ANKFN1: variants seen among roughly 807,000 people sequenced by gnomAD.
ANKFN1 encodes ankyrin repeat and fibronectin type III domain containing 1.
A neutral mutation model predicts 108.7 loss-of-function variants in ANKFN1; 74 were observed. The observed-to-expected ratio is 0.68, with a 90% CI of 0.56 to 0.83. The LOEUF is 0.83. Among genes scored for constraint, ANKFN1 ranks in the 40% least tolerant of loss-of-function variants. The pLI, the probability that ANKFN1 is intolerant of heterozygous loss-of-function variation, is 0.00. For missense variants in ANKFN1, 1,505 were observed against 1,382.3 expected (o/e 1.09, Z -1.41); for synonymous variants, 547 against 516.2 (o/e 1.06, Z -0.81).
chr17:56,376,751 G>A (rs2046959143), intron 8 of ANKFN1, among the ~76,000 whole-genome samples: 1 of 152,158 alleles, frequency 6.6e-6, no homozygotes, highest in South Asian at 2.1e-4. Context: ...GGTCACAAGT[G>A]GGTTCTGTTA....
intron 8 of ANKFN1, among the ~76,000 whole-genome samples, chr17:56,379,530 C>T (rs193239849): frequency 4.5e-4 from 68 of 152,200 alleles, no homozygotes; most frequent in African/African-American, 1.6e-3. Flanking sequence ...TGGATATATA[C>T]AAAATTTTGT....
chr17:56,207,959 A>C (rs1914668687), intron 1 of ANKFN1, among the ~76,000 whole-genome samples: 1 of 152,096 alleles, frequency 6.6e-6, no homozygotes, highest in South Asian at 2.1e-4. Flanking sequence ...ATCTGACTCC[A>C]TCTGGACCCA....
At chr17:56,445,829 G>C (rs555725615) in intron 10 of ANKFN1, among the ~76,000 whole-genome samples, 1 of 152,246 alleles carries the variant, frequency 6.6e-6, no homozygotes, top group Non-Finnish European at 1.5e-5. Context: ...TCTGAGTTAC[G>C]ATCAGGAAAA....
At chr17:56,213,361 C>T (rs900984364) in intron 2 of ANKFN1, among the ~76,000 whole-genome samples, 3 of 152,116 alleles carry the variant, frequency 2.0e-5, no homozygotes, top group Admixed American at 2.0e-4. Context: ...ACAAGCCTAC[C>T]CCCTATAGAA....
At chr17:56,421,048 G>A (rs762890353) in intron 8 of ANKFN1, among the ~76,000 whole-genome samples, 1 of 152,126 alleles carries the variant, frequency 6.6e-6, no homozygotes, top group Non-Finnish European at 1.5e-5. Flanking sequence ...GTGCTGGGGG[G>A]CGGGAATAAA....
At chr17:56,475,449 C>T (rs775315338) in intron 15 of ANKFN1, among the ~76,000 whole-genome samples, 7 of 152,110 alleles carry the variant, frequency 4.6e-5, no homozygotes, top group Non-Finnish European at 8.8e-5. Context: ...GTTAATTCTA[C>T]AGAGGAAAGA....
intron 3 of ANKFN1, among the ~76,000 whole-genome samples, chr17:56,325,494 A>C (rs2045490915): frequency 6.6e-6 from 1 of 152,182 alleles, no homozygotes; most frequent in African/African-American, 2.4e-5. Flanking sequence ...GTATACCCAT[A>C]TGTGTCTGGC....
At chr17:56,248,819 A>G (rs1419789042) in intron 3 of ANKFN1, among the ~76,000 whole-genome samples, 1 of 152,214 alleles carries the variant, frequency 6.6e-6, no homozygotes, top group Non-Finnish European at 1.5e-5. Flanking sequence ...ATGAAAGTAC[A>G]TGTGGTTTAT....
intron 4 of ANKFN1, among the ~76,000 whole-genome samples, chr17:56,091,858 G>A (rs1905427130): frequency 1.3e-5 from 2 of 151,420 alleles, no homozygotes; most frequent in East Asian, 3.8e-4. Flanking sequence ...GTAATCCCCT[G>A]TAATGTATAT....
At chr17:56,172,235 T>TGAAAGAATGCATCCTTTG (rs1409964914) in intron 1 of ANKFN1, among the ~76,000 whole-genome samples, 2 of 152,158 alleles carry the variant, frequency 1.3e-5, no homozygotes, top group African/African-American at 4.8e-5. Context: ...CTGTCTAATT[T>TGAAAGAATGCATCCTTTG]GAAAGAATGC....
At chr17:56,123,399 G>A (rs9906554) in intron 4 of ANKFN1, among the ~76,000 whole-genome samples, 3,571 of 152,222 alleles carry the variant, frequency 0.023, 124 homozygotes, top group African/African-American at 0.081. Context: ...GGAGGGCAGC[G>A]GTAGGAATAT....
At chr17:56,467,776 AAAGAAAGAAAGAAAG>A (rs1339111767) in intron 15 of ANKFN1, among the ~76,000 whole-genome samples, 1 of 18,188 alleles carries the variant, frequency 5.5e-5, no homozygotes, top group Non-Finnish European at 1.3e-4. Flanking sequence ...AGAAAGAAAG[AAAGAAAGAAAGAAAG>A]AAGAAAGAAA....
chr17:56,264,204 C>G (rs1204301753), intron 3 of ANKFN1, among the ~76,000 whole-genome samples: 2 of 152,152 alleles, frequency 1.3e-5, no homozygotes, highest in Non-Finnish European at 2.9e-5. Flanking sequence ...GTCAGGTGAC[C>G]ACAGTGGATT....
chr17:56,064,294 C>T (rs182192065), intron 4 of ANKFN1, among the ~76,000 whole-genome samples: 29 of 152,322 alleles, frequency 1.9e-4, no homozygotes, highest in African/African-American at 2.6e-4. Context: ...AAAACCCACT[C>T]GTCTGGGCTG....
chr17:56,423,844 A>T (rs2215759), intron 8 of ANKFN1, among the ~76,000 whole-genome samples: 1 of 152,084 alleles, frequency 6.6e-6, no homozygotes, highest in African/African-American at 2.4e-5. Flanking sequence ...ATGCTGGGCT[A>T]TGATAATTCT....
intron 14 of ANKFN1, among the ~76,000 whole-genome samples, chr17:56,463,635 G>A (rs1326399343): frequency 1.3e-5 from 2 of 152,264 alleles, no homozygotes; most frequent in East Asian, 3.9e-4. Flanking sequence ...ATTGAAAGGT[G>A]TCTAAGCTAC....
In ANKFN1 at chr17:56,192,034, G is replaced by A. The variant is rs564464414; in HGVS notation, c.-70-20564G>A. On this transcript the variant is annotated intron_variant, in intron 1 of 20. Coordinates refer to ENST00000682825, the MANE Select transcript of ANKFN1 (RefSeq NM_001370326.1). ...CTCCTGAGGCTTCTGCATTCTTCAC[G>A]TAGTTCTCGAGCCTTGGTTTTCAGC... is the stretch of plus-strand genomic sequence containing the variant. Among the ~76,000 whole-genome samples the A allele has an allele frequency of 1.8e-3, 273 of 151,720 alleles. 1 individual carries two copies. Among genetic ancestry groups the A allele is most frequent in the African/African-American group, 6.4e-3 (265 of 41,276 alleles).
intron 2 of ANKFN1, among the ~76,000 whole-genome samples, chr17:56,216,661 TA>T (rs1287329920): frequency 6.6e-6 from 1 of 152,152 alleles, no homozygotes; most frequent in Admixed American, 6.5e-5. Flanking sequence ...AGAAAAAGCA[TA>T]AAAATGGGAG....
chr17:56,102,220 G>A (rs996635374), intron 4 of ANKFN1, among the ~76,000 whole-genome samples: 1 of 152,162 alleles, frequency 6.6e-6, no homozygotes, highest in African/African-American at 2.4e-5. Flanking sequence ...AAAATCTGGA[G>A]ATACTCCTTC....
Sources: allele counts gnomAD v4.1 joint callset (sites outside exome capture counted in the v4.1 genomes callset), GRCh38; gene constraint gnomAD v4.1.1; transcripts MANE v1.5; gene names NCBI Gene and HGNC (gene_info 2026-07-23, HGNC 2026-07-21).